ADAMTS2: variants seen among roughly 807,000 people sequenced by gnomAD.
ADAMTS2 encodes the protein A disintegrin and metalloproteinase with thrombospondin motifs 2.
Under a neutral mutation model 123.0 loss-of-function variants are expected in ADAMTS2, and 50 were observed. The ratio of observed to expected loss-of-function variants is 0.41; its 90% confidence interval spans 0.32 to 0.51. ADAMTS2 has a LOEUF of 0.51. Among genes scored for constraint, ADAMTS2 ranks in the 20% least tolerant of loss-of-function variants. The pLI is 0.35. For synonymous variants in ADAMTS2, 678 were observed against 695.4 expected, an observed-to-expected ratio of 0.98 and a Z score of 0.39; for missense variants, 1,494 against 1,705.2, an observed-to-expected ratio of 0.88 and a Z score of 2.18.
At chr5:179,176,330 C>T (rs1174658640) in intron 5 of ADAMTS2, among the ~76,000 whole-genome samples, 1 of 152,118 alleles carries the variant, frequency 6.6e-6, no homozygotes. Context: ...GCAGCAAGCT[C>T]CTCATGCCTG....
chr5:179,285,406 A>G lies in ADAMTS2; in HGVS notation c.535-12342T>C, dbSNP rs1755992232. Among the ~76,000 whole-genome samples the G allele has an allele frequency of 6.6e-6, 1 of 152,244 alleles. No individual in the cohort carries two copies. The highest frequency in any genetic ancestry group is 2.4e-5 in the African/African-American group (1 of 41,466). On this transcript the variant is annotated intron_variant, in intron 2 of 21. Coordinates refer to ENST00000251582, the MANE Select transcript of ADAMTS2 (RefSeq NM_014244.5). The surrounding 1 kb of genome is among the most constrained non-coding windows in gnomAD (Gnocchi z 4.9). Reference sequence around the variant, plus strand: ...AGCCAGGCGGCCTTCTGCTAAATCAAGCAACGCTTGAGTGGCTCCCTCGGG... The same window carrying G: ...AGCCAGGCGGCCTTCTGCTAAATCAGGCAACGCTTGAGTGGCTCCCTCGGG...
In ADAMTS2 at chr5:179,158,561, C is replaced by T. The variant is rs1343434013; in HGVS notation, c.1132+162G>A. ...ATTCTCTTCTAATGATGTATTTGTC[C>T]ATCAGTGCACTGCCCCACACCCTCA... On this transcript the variant is annotated intron_variant, in intron 6 of 21. Coordinates refer to ENST00000251582, the MANE Select transcript of ADAMTS2 (RefSeq NM_014244.5). The surrounding 1 kb of genome is among the most constrained non-coding windows in gnomAD (Gnocchi z 5.0). Among the ~76,000 whole-genome samples, 1 of 152,176 alleles carries T rather than the reference C, an allele frequency of 6.6e-6. No homozygotes were observed. The highest frequency in any genetic ancestry group is 1.5e-5 in the Non-Finnish European group (1 of 68,030).
intron 2 of ADAMTS2, among the ~76,000 whole-genome samples, chr5:179,330,577 G>C (rs909540249): frequency 3.3e-5 from 5 of 152,244 alleles, no homozygotes; most frequent in Admixed American, 2.6e-4. Context: ...GCAGACACCT[G>C]GCACACATTT....
chr5:179,159,574 G>A (rs375728249), intron 5 of ADAMTS2, among the ~76,000 whole-genome samples: 25 of 152,126 alleles, frequency 1.6e-4, no homozygotes, highest in African/African-American at 5.3e-4. Context: ...GGAAGCCCCC[G>A]GGAACCATCC....
chr5:179,121,804 C>G, intron 20 of ADAMTS2, 54 bp from the exon 21 acceptor site: 1 of 1,288,676 alleles, frequency 7.8e-7, no homozygotes, highest in Non-Finnish European at 1.1e-6. Flanking sequence ...GGGGCCCCCA[C>G]CCCAGGCAGA....
At chr5:179,194,333 T>A (rs1764370742) in intron 4 of ADAMTS2, among the ~76,000 whole-genome samples, 1 of 152,206 alleles carries the variant, frequency 6.6e-6, no homozygotes, top group South Asian at 2.1e-4. Flanking sequence ...CTGGAACATG[T>A]GCTCCCTGCG....
At chr5:179,244,345 C>G (rs1024449127) in intron 3 of ADAMTS2, among the ~76,000 whole-genome samples, 4 of 152,150 alleles carry the variant, frequency 2.6e-5, no homozygotes, top group African/African-American at 9.7e-5. Context: ...ATAATGGAAG[C>G]CAGAAGGCAG....
At chr5:179,205,017 A>T (rs145169688) in intron 4 of ADAMTS2, among the ~76,000 whole-genome samples, 147 of 152,356 alleles carry the variant, frequency 9.6e-4, no homozygotes, top group African/African-American at 3.1e-3. Context: ...GATAAAACTC[A>T]TCTCAATTTA....
chr5:179,340,273 C>T (rs1757736012), intron 2 of ADAMTS2, among the ~76,000 whole-genome samples: 1 of 152,246 alleles, frequency 6.6e-6, no homozygotes, highest in Admixed American at 6.5e-5. Flanking sequence ...CCCCGTGCTG[C>T]CCTGAGTGGG....
chr5:179,329,476 C>T (rs1757422920), intron 2 of ADAMTS2, among the ~76,000 whole-genome samples: 1 of 151,904 alleles, frequency 6.6e-6, no homozygotes, highest in Non-Finnish European at 1.5e-5. Flanking sequence ...AACAGCATGG[C>T]AATTTAGAAA....
At chr5:179,266,660 G>A (rs1362780759) in intron 3 of ADAMTS2, among the ~76,000 whole-genome samples, 1 of 152,236 alleles carries the variant, frequency 6.6e-6, no homozygotes, top group African/African-American at 2.4e-5. Context: ...GCAGCCACAG[G>A]AAGCTGAGAT....
At chr5:179,281,449 G>A (rs937212775) in intron 2 of ADAMTS2, among the ~76,000 whole-genome samples, 3 of 152,180 alleles carry the variant, frequency 2.0e-5, no homozygotes, top group African/African-American at 4.8e-5. Flanking sequence ...ATGCTATGTG[G>A]CCTTTTGTGA....
At chr5:179,218,466 G>GCCCCAC (rs1450090666) in intron 3 of ADAMTS2, among the ~76,000 whole-genome samples, 1 of 152,248 alleles carries the variant, frequency 6.6e-6, no homozygotes, top group African/African-American at 2.4e-5. Flanking sequence ...GGCAGGCTCA[G>GCCCCAC]CCCCACGGGG....
Position 179,152,231 on chromosome 5 carries a change from G to C in ADAMTS2, c.1540C>G (p.Gln514Glu). ...TTGTCAGGATGGCTGCACCACAGCT[G>C]CTTGCAGGGGTCAAAGGTCCGGAAC... The part of the protein sequence containing the change: ...TAFRTFDPCK[Q>E]LWCSHPDNPY... Residue 514 changes from glutamine (Q) to glutamate (E), a missense_variant, in exon 10 of 22, where the codon CAG becomes GAG. Around this residue, in one of 6 missense-constraint regions of ADAMTS2, gnomAD observed 953 missense variants for 1,124.7 expected, o/e 0.85. Coordinates refer to ENST00000251582, the MANE Select transcript of ADAMTS2 (RefSeq NM_014244.5). The C allele has an allele frequency of 1.9e-6, 3 of 1,614,078 alleles. No homozygotes were observed.
At position 179,196,878 on chromosome 5, in the gene ADAMTS2, C is replaced by T. The variant is rs145565258; in HGVS notation, c.891+10635G>A. Among the ~76,000 whole-genome samples, 891 of 152,322 alleles carry T rather than the reference C, an allele frequency of 5.8e-3. 11 individuals carry two copies. The highest frequency in any genetic ancestry group is 0.02 in the African/African-American group (849 of 41,570). On this transcript the variant is annotated intron_variant, in intron 4 of 21. Coordinates refer to ENST00000251582, the MANE Select transcript of ADAMTS2 (RefSeq NM_014244.5). The stretch of plus-strand genomic sequence containing the variant: ...CACAGGCAATTCATAAATCAATAGG[C>T]GTGGCTGTGTTCCAATAAAACTTTA...
intron 5 of ADAMTS2, among the ~76,000 whole-genome samples, chr5:179,172,968 G>A (rs1287690001): frequency 6.6e-6 from 1 of 151,870 alleles, no homozygotes; most frequent in East Asian, 1.9e-4. Flanking sequence ...GCTATGGGAG[G>A]CAGAGGCAGG....
At chr5:179,298,976 A>G (rs144511335) in intron 2 of ADAMTS2, among the ~76,000 whole-genome samples, 199 of 152,324 alleles carry the variant, frequency 1.3e-3, no homozygotes, top group Non-Finnish European at 2.1e-3. Flanking sequence ...AGAATTCAGC[A>G]CATCAGAACC....
Position 179,135,932 on chromosome 5 carries a change from G to C in ADAMTS2, c.2062C>G (p.Leu688Val). ...TRCSYKDAFSLCVRGDCRKVG... is the reference protein window; with the variant it reads ...TRCSYKDAFSVCVRGDCRKVG... ...ACCCTGCAGTCCCCGCGCACACAGA[G>C]GCTGAAGGCGTCCTTGTAGGAGCAG... is the stretch of plus-strand genomic sequence containing the variant. Residue 688 changes from leucine to valine, a missense_variant, in exon 13 of 22, where the codon CTC (leucine) becomes GTC (valine). By Grantham distance (32) the Leu-to-Val change is conservative. Transcript: ENST00000251582. 1.2e-6 allele frequency: 2 copies of C among 1,613,234 alleles called. No homozygotes were observed. Among genetic ancestry groups the C allele is most frequent in the Non-Finnish European group, 1.7e-6 (2 of 1,180,034 alleles).
intron 5 of ADAMTS2, among the ~76,000 whole-genome samples, chr5:179,176,627 C>T (rs1763936049): frequency 1.3e-5 from 2 of 152,202 alleles, no homozygotes; most frequent in African/African-American, 4.8e-5. Flanking sequence ...GTCCAGCTGC[C>T]AGCATCCCCC....
Sources: allele counts gnomAD v4.1 joint callset (sites outside exome capture counted in the v4.1 genomes callset), GRCh38; gene constraint gnomAD v4.1.1; regional missense constraint gnomAD v4.1.1; non-coding constraint Gnocchi (gnomAD v3.1); transcripts MANE v1.5; gene names NCBI Gene and HGNC (gene_info 2026-07-23, HGNC 2026-07-21).